Variants in CCDC85A observed in about 807,000 individuals in gnomAD.
CCDC85A encodes coiled-coil domain containing 85A, also known as coiled-coil domain-containing protein 85A.
In CCDC85A, 38 loss-of-function variants were observed where a neutral mutation model predicts 50.2. The observed-to-expected ratio is 0.76, with a 90% CI of 0.58 to 0.99. The LOEUF is 0.99. CCDC85A is among the 50% of genes least tolerant of loss of function. CCDC85A has a pLI of 0.00. For missense variants in CCDC85A, 820 were observed against 742.0 expected (o/e 1.11, Z -1.22); for synonymous variants, 366 against 301.4 (o/e 1.21, Z -2.22).
chr2:56,237,740 AATT>A (rs1046635942), intron 2 of CCDC85A, among the ~76,000 whole-genome samples: 6 of 19,452 alleles, frequency 3.1e-4, no homozygotes, highest in African/African-American at 1.7e-3. Flanking sequence ...CCTAACCATT[AATT>A]TTTTTTTTTT....
intron 2 of CCDC85A, among the ~76,000 whole-genome samples, chr2:56,235,055 C>T (rs752688514): frequency 2.6e-5 from 4 of 152,100 alleles, no homozygotes; most frequent in Non-Finnish European, 5.9e-5. Context: ...ATTAAATTTC[C>T]ATGGAGACCT....
At chr2:56,346,622 G>A (rs1674644836) in intron 3 of CCDC85A, among the ~76,000 whole-genome samples, 1 of 152,118 alleles carries the variant, frequency 6.6e-6, no homozygotes, top group Admixed American at 6.6e-5. Flanking sequence ...ACATTTCAAA[G>A]GTATCCTAAG....
chr2:56,302,139 C>T (rs1254275030), intron 2 of CCDC85A, among the ~76,000 whole-genome samples: 1 of 151,810 alleles, frequency 6.6e-6, no homozygotes, highest in Non-Finnish European at 1.5e-5. Flanking sequence ...GCCTGTAATC[C>T]CAGCTAATCG....
At chr2:56,361,924 A>T (rs559771120) in intron 3 of CCDC85A, among the ~76,000 whole-genome samples, 2 of 152,268 alleles carry the variant, frequency 1.3e-5, no homozygotes, top group African/African-American at 4.8e-5. Context: ...CTCATTAGGG[A>T]GCTAGCTTGG....
chr2:56,300,900 A>G (rs937097118), intron 2 of CCDC85A, among the ~76,000 whole-genome samples: 14 of 152,184 alleles, frequency 9.2e-5, no homozygotes, highest in South Asian at 2.1e-4. Context: ...GGTTTGAGTC[A>G]CATTTAATCA....
intron 2 of CCDC85A, among the ~76,000 whole-genome samples, chr2:56,299,595 G>C (rs949270259): frequency 3.3e-5 from 5 of 152,122 alleles, no homozygotes; most frequent in Non-Finnish European, 7.4e-5. Context: ...AAAATGCTGG[G>C]AATGGAGGAT....
intron 2 of CCDC85A, among the ~76,000 whole-genome samples, chr2:56,296,901 A>G (rs1671975159): frequency 6.6e-6 from 1 of 152,220 alleles, no homozygotes; most frequent in Non-Finnish European, 1.5e-5. Context: ...ACTAAAATAG[A>G]ATAACACCAT....
At chr2:56,228,794 A>C (rs183846107) in intron 2 of CCDC85A, among the ~76,000 whole-genome samples, 1 of 152,078 alleles carries the variant, frequency 6.6e-6, no homozygotes, top group South Asian at 2.1e-4. Context: ...CGGCCTCCCA[A>C]AGTGCTGGGA....
At chr2:56,264,535 C>G (rs1471443442) in intron 2 of CCDC85A, among the ~76,000 whole-genome samples, 1 of 152,158 alleles carries the variant, frequency 6.6e-6, no homozygotes, top group African/African-American at 2.4e-5. Context: ...ACCTATACTG[C>G]CAACACCCTG....
intron 3 of CCDC85A, among the ~76,000 whole-genome samples, chr2:56,344,778 T>G (rs922863863): frequency 3.9e-5 from 6 of 152,136 alleles, no homozygotes; most frequent in Non-Finnish European, 2.9e-5. Context: ...ATCTAGTTAG[T>G]TTATTATACA....
chr2:56,287,363 C>T (rs1671493837), intron 2 of CCDC85A, among the ~76,000 whole-genome samples: 1 of 152,224 alleles, frequency 6.6e-6, no homozygotes, highest in African/African-American at 2.4e-5. Flanking sequence ...TTGGGCTTCA[C>T]TTTCCTTTGC....
intron 2 of CCDC85A, among the ~76,000 whole-genome samples, chr2:56,261,006 G>A (rs1670194424): frequency 6.6e-6 from 1 of 152,164 alleles, no homozygotes; most frequent in Non-Finnish European, 1.5e-5. Context: ...TTCTTTTAAA[G>A]ACATGAAAAC....
chr2:56,263,927 C>T (rs1023926395), intron 2 of CCDC85A, among the ~76,000 whole-genome samples: 3 of 152,168 alleles, frequency 2.0e-5, no homozygotes, highest in Non-Finnish European at 2.9e-5. Flanking sequence ...CTTTTGGCTT[C>T]CCTGGGCCAC....
At chr2:56,254,577 C>T (rs1379371706) in intron 2 of CCDC85A, among the ~76,000 whole-genome samples, 1 of 152,152 alleles carries the variant, frequency 6.6e-6, no homozygotes, top group Non-Finnish European at 1.5e-5. Context: ...TTCCGCTGTT[C>T]TAGACTGGGT....
intron 2 of CCDC85A, among the ~76,000 whole-genome samples, chr2:56,243,130 G>T (rs771472453): frequency 6.6e-6 from 1 of 151,706 alleles, no homozygotes; most frequent in Non-Finnish European, 1.5e-5. Flanking sequence ...GGTTAAATCT[G>T]CTTGGTATTC....
intron 3 of CCDC85A, among the ~76,000 whole-genome samples, chr2:56,355,307 G>T (rs1317577255): frequency 6.6e-6 from 1 of 152,322 alleles, no homozygotes; most frequent in Non-Finnish European, 1.5e-5. Context: ...GGAAATGGAG[G>T]TGGGAAGGAA....
At chr2:56,343,866 A>G (rs976139513) in intron 3 of CCDC85A, among the ~76,000 whole-genome samples, 17 of 152,222 alleles carry the variant, frequency 1.1e-4, no homozygotes, top group African/African-American at 4.1e-4. Context: ...TTGGTATTTC[A>G]GGAGAAGAAA....
chr2:56,343,420 C>G (rs1049195111), intron 3 of CCDC85A, among the ~76,000 whole-genome samples: 1 of 152,186 alleles, frequency 6.6e-6, no homozygotes, highest in African/African-American at 2.4e-5. Context: ...TAATTGAACT[C>G]TTTCAGTGCA....
intron 2 of CCDC85A, among the ~76,000 whole-genome samples, chr2:56,267,577 C>T (rs1319618809): frequency 3.3e-5 from 5 of 152,114 alleles, no homozygotes; most frequent in African/African-American, 2.4e-5. Context: ...CAACATAGCT[C>T]GAGCATGCTG....
Sources: allele counts gnomAD v4.1 joint callset (sites outside exome capture counted in the v4.1 genomes callset), GRCh38; gene constraint gnomAD v4.1.1; transcripts MANE v1.5; gene names NCBI Gene and HGNC (gene_info 2026-07-23, HGNC 2026-07-21).